RPS6KA5: variants seen among roughly 807,000 people sequenced by gnomAD.
The protein encoded by RPS6KA5 is ribosomal protein S6 kinase alpha-5.
Under a neutral mutation model 85.5 loss-of-function variants are expected in RPS6KA5, and 27 were observed. That is an observed-to-expected ratio of 0.32 (90% CI 0.23 to 0.44). The LOEUF (loss-of-function observed/expected upper bound fraction) is 0.44. RPS6KA5 is among the 20% of genes least tolerant of loss of function. The pLI, the probability that RPS6KA5 is intolerant of heterozygous loss-of-function variation, is 1.00. For missense variants in RPS6KA5, 811 were observed against 980.9 expected, an observed-to-expected ratio of 0.83 and a Z score of 2.31; for synonymous variants, 334 against 348.2, an observed-to-expected ratio of 0.96 and a Z score of 0.46.
chr14:90,967,335 G>A (rs985502060), intron 3 of RPS6KA5, among the ~76,000 whole-genome samples: 5 of 152,114 alleles, frequency 3.3e-5, no homozygotes, highest in Admixed American at 6.5e-5. Flanking sequence ...TTCCACATAA[G>A]ATTGTCATGA....
At position 91,060,436 on chromosome 14, in the gene RPS6KA5, T is replaced by G; in HGVS notation, c.-2A>C. Reference sequence around the variant, plus strand: ...GCTGCTGCCACCCTCCTCCTCCATCTTCTCCTTTTTTTCCGATCCCGCGGG... The same window carrying G: ...GCTGCTGCCACCCTCCTCCTCCATCGTCTCCTTTTTTTCCGATCCCGCGGG... On this transcript the variant is annotated 5_prime_UTR_variant, in exon 1 of 17. Transcript: ENST00000614987. The G allele has an allele frequency of 6.8e-7, 1 of 1,471,448 alleles. No homozygotes were observed. The highest frequency in any genetic ancestry group is 1.4e-5 in the South Asian group (1 of 72,746). 91.1% of individuals were successfully genotyped at this position (1,471,448 alleles called of 1,614,324 possible).
At chr14:91,037,411 G>A (rs76432444) in intron 1 of RPS6KA5, among the ~76,000 whole-genome samples, 2,723 of 152,258 alleles carry the variant, frequency 0.018, 66 homozygotes, top group African/African-American at 0.063. Flanking sequence ...TCACCATCTG[G>A]CCTATGCCAT....
Position 90,972,220 on chromosome 14 carries a change from T to C in RPS6KA5, c.394+6086A>G, listed in dbSNP as rs543672947. ...TTACAGCAATTCCAGTGAAAATACC[T>C]TACGGTTTTTCCCCCCAAAACCAGA... On this transcript the variant is annotated intron_variant, in intron 3 of 16. Transcript: ENST00000614987. 5.9e-5 allele frequency among the ~76,000 whole-genome samples: 9 copies of C among 152,314 alleles called. No homozygotes were observed. In the East Asian group the frequency reaches 1.7e-3, roughly 29 times the overall value.
rs145702662 is a variant in RPS6KA5, at chr14:90,897,100, A to G, written c.1473+2229T>C. On this transcript the variant is annotated intron_variant, in intron 12 of 16. Coordinates refer to ENST00000614987, the MANE Select transcript of RPS6KA5 (RefSeq NM_004755.4). The stretch of plus-strand genomic sequence containing the variant: ...GAGGCAGTAGTGGGGTGGGACAGGC[A>G]TTAGATTCTTATAAGGAGTGCTGCA... Among the ~76,000 whole-genome samples, 387 of 152,294 alleles carry G rather than the reference A, an allele frequency of 2.5e-3. 1 individual carries two copies. The highest frequency in any genetic ancestry group is 8.6e-3 in the African/African-American group (356 of 41,574).
chr14:90,892,695 C>T (rs2034632193), intron 13 of RPS6KA5, among the ~76,000 whole-genome samples: 1 of 152,228 alleles, frequency 6.6e-6, no homozygotes, highest in African/African-American at 2.4e-5. Flanking sequence ...AATGAATCCA[C>T]ATAGCTACCT....
At chr14:90,883,859 G>T (rs913812701) in intron 14 of RPS6KA5, among the ~76,000 whole-genome samples, 2 of 152,204 alleles carry the variant, frequency 1.3e-5, no homozygotes, top group African/African-American at 4.8e-5. Flanking sequence ...GATCAGCATG[G>T]AGTACAAACT....
intron 3 of RPS6KA5, among the ~76,000 whole-genome samples, chr14:90,950,894 G>T (rs1049166315): frequency 5.3e-5 from 8 of 152,094 alleles, no homozygotes; most frequent in Admixed American, 5.2e-4. Flanking sequence ...GCTGAGGCAG[G>T]CGGATCACTT....
At chr14:91,013,584 G>A (rs916199056) in intron 1 of RPS6KA5, among the ~76,000 whole-genome samples, 1 of 152,118 alleles carries the variant, frequency 6.6e-6, no homozygotes, top group Non-Finnish European at 1.5e-5. Context: ...GAAGGAAAGG[G>A]AAAAAAGGCA....
At position 90,847,871 on chromosome 14, in the gene RPS6KA5, G is replaced by T. The variant is rs1167911899; in HGVS notation, c.*24203C>A. 2.0e-5 allele frequency: 3 copies of T among 152,172 alleles called. No individual in the cohort carries two copies. The highest frequency in any genetic ancestry group is 7.2e-5 in the African/African-American group (3 of 41,410). The allele number at this position is 152,172 out of a possible 1,614,324, so 9.4% of individuals were successfully genotyped here. On this transcript the variant is annotated 3_prime_UTR_variant, in exon 17 of 17. Coordinates refer to ENST00000614987, the MANE Select transcript of RPS6KA5 (RefSeq NM_004755.4). ...AGTCCAAGTCAGATATCAGGCATTT[G>T]TACATTGACAGGTTTATTCTTAAAG...
intron 3 of RPS6KA5, among the ~76,000 whole-genome samples, chr14:90,957,332 TG>T (rs879604895): frequency 2.6e-5 from 4 of 152,234 alleles, no homozygotes; most frequent in Non-Finnish European, 5.9e-5. Context: ...CCCAAAGTGC[TG>T]GGATTACCGT....
At chr14:91,006,182 A>G (rs1386615091) in intron 1 of RPS6KA5, among the ~76,000 whole-genome samples, 4 of 152,114 alleles carry the variant, frequency 2.6e-5, no homozygotes, top group Non-Finnish European at 4.4e-5. Context: ...TAATAGGTAG[A>G]CTCACTGTGT....
chr14:90,900,314 T>TA, intron 10 of RPS6KA5, 73 bp from the exon 11 acceptor site: 1 of 1,088,318 alleles, frequency 9.2e-7, no homozygotes, highest in Non-Finnish European at 1.3e-6. Flanking sequence ...AATTGTAGAG[T>TA]AAAATAAAAT....
intron 14 of RPS6KA5, among the ~76,000 whole-genome samples, chr14:90,889,898 C>G (rs1025708930): frequency 1.8e-4 from 27 of 152,060 alleles, no homozygotes; most frequent in African/African-American, 5.8e-4. Flanking sequence ...GAAAATTTCC[C>G]AAGATCATGC....
intron 1 of RPS6KA5, among the ~76,000 whole-genome samples, chr14:91,027,552 C>T (rs2042029645): frequency 6.6e-6 from 1 of 152,170 alleles, no homozygotes; most frequent in South Asian, 2.1e-4. Flanking sequence ...AGACTTTCTA[C>T]ACAGGAGGTT....
At chr14:90,893,847 G>A (rs2034687510) in intron 13 of RPS6KA5, 1 of 237,250 alleles carries the variant, frequency 4.2e-6, no homozygotes, top group Non-Finnish European at 6.8e-6. Flanking sequence ...CCTTTCATAA[G>A]AGGAGACATA....
At chr14:90,924,026 A>C (rs1262973786) in intron 5 of RPS6KA5, among the ~76,000 whole-genome samples, 2 of 152,100 alleles carry the variant, frequency 1.3e-5, no homozygotes, top group African/African-American at 2.4e-5. Context: ...GGCCTCTCTT[A>C]TAGTTCATTT....
chr14:91,059,566 A>C (rs2043529517), intron 1 of RPS6KA5, among the ~76,000 whole-genome samples: 1 of 152,182 alleles, frequency 6.6e-6, no homozygotes, highest in Non-Finnish European at 1.5e-5. Flanking sequence ...CTGAACCTAC[A>C]CCACGAATAC....
chr14:90,950,208 A>G (rs1286109), intron 3 of RPS6KA5, among the ~76,000 whole-genome samples: 98,217 of 152,086 alleles, frequency 0.65, 33,013 homozygotes, highest in East Asian at 0.87. Context: ...AAATGGTTTT[A>G]ACTTCATTTT....
chr14:90,859,946 C>G lies in RPS6KA5; in HGVS notation c.*12128G>C, dbSNP rs147416070. The stretch of plus-strand genomic sequence containing the variant: ...TGGAAACAGGGAGGGGAACATCACA[C>G]GCTGGGGCCTGTCGGGGGGTTGGGG... On this transcript the variant is annotated 3_prime_UTR_variant, in exon 17 of 17. Transcript: ENST00000614987. 6.9e-6 allele frequency: 1 copy of G among 145,732 alleles called. No homozygotes were observed. The highest frequency in any genetic ancestry group is 7.0e-5 in the Admixed American group (1 of 14,286). The allele number at this position is 145,732 out of a possible 1,614,324, so 9.0% of individuals were successfully genotyped here. A position where few individuals can be genotyped will look rare whatever the true frequency, so the allele number is the denominator to read the frequency against.
Sources: allele counts gnomAD v4.1 joint callset (sites outside exome capture counted in the v4.1 genomes callset), GRCh38; gene constraint gnomAD v4.1.1; transcripts MANE v1.5; gene names NCBI Gene and HGNC (gene_info 2026-07-23, HGNC 2026-07-21).